Variants in PDZD9 observed in about 807,000 individuals in gnomAD.
PDZD9 encodes PDZ domain containing 9.
A neutral mutation model predicts 16.3 loss-of-function variants in PDZD9; 13 were observed. The observed-to-expected ratio is 0.80, with a 90% CI of 0.52 to 1.27. The LOEUF (loss-of-function observed/expected upper bound fraction) is 1.27. PDZD9 is among the 50% of genes most tolerant of loss of function. The pLI is 0.00. For missense variants in PDZD9, 288 were observed against 310.9 expected (o/e 0.93, Z 0.55); for synonymous variants, 120 against 111.0 (o/e 1.08, Z -0.51).
chr16:21,970,174 A>T, the PDZD9 span, among the ~76,000 whole-genome samples: 1 of 152,178 alleles, frequency 6.6e-6, no homozygotes, highest in Non-Finnish European at 1.5e-5. Context: ...ATGGCTCAAG[A>T]ATACTCCATT....
the PDZD9 span, among the ~76,000 whole-genome samples, chr16:21,967,923 G>A: frequency 1.3e-5 from 2 of 151,324 alleles, no homozygotes; most frequent in African/African-American, 2.4e-5. Flanking sequence ...GACATACTAC[G>A]TAAGCTACAT....
chr16:21,999,124 C>T (rs527843910), intron 1 of PDZD9: 3 of 153,966 alleles, frequency 1.9e-5, no homozygotes, highest in African/African-American at 4.8e-5. Flanking sequence ...ATGAAAACCA[C>T]GACAAGGAAA....
the PDZD9 span, among the ~76,000 whole-genome samples, chr16:21,961,764 G>A: frequency 4.7e-5 from 7 of 149,768 alleles, no homozygotes. Context: ...CGATTCTCCT[G>A]CCTCAGCCTC....
At chr16:21,986,707 C>T (rs942103541) in intron 3 of PDZD9, among the ~76,000 whole-genome samples, 2 of 152,106 alleles carry the variant, frequency 1.3e-5, no homozygotes, top group Admixed American at 6.5e-5. Context: ...CACATTCTCC[C>T]AGGGAAACAC....
At chr16:21,974,993 C>T in the PDZD9 span, among the ~76,000 whole-genome samples, 6 of 152,276 alleles carry the variant, frequency 3.9e-5, no homozygotes, top group South Asian at 2.1e-4. Flanking sequence ...AGTGGGTATT[C>T]GCTGTAGTGT....
intron 1 of PDZD9, among the ~76,000 whole-genome samples, chr16:21,999,951 C>A (rs1473827797): frequency 6.6e-6 from 1 of 152,142 alleles, no homozygotes; most frequent in Non-Finnish European, 1.5e-5. Context: ...GGGCAAGAAT[C>A]GCTTGAACCC....
At chr16:21,992,370 G>A (rs1271542286) in intron 2 of PDZD9, among the ~76,000 whole-genome samples, 1 of 152,178 alleles carries the variant, frequency 6.6e-6, no homozygotes, top group Admixed American at 6.5e-5. Flanking sequence ...CTTTAGGTGT[G>A]ACGGTTAATA....
chr16:21,963,232 A>T, the PDZD9 span: 730 of 169,676 alleles, frequency 4.3e-3, 35 homozygotes, highest in South Asian at 0.084. Context: ...CCTGGCCTCA[A>T]GTGATCCACC....
At chr16:21,975,526 A>G in the PDZD9 span, among the ~76,000 whole-genome samples, 50 of 152,194 alleles carry the variant, frequency 3.3e-4, no homozygotes, top group Admixed American at 6.5e-5. Flanking sequence ...GGAGAAAATC[A>G]TGGTCAGATT....
chr16:21,982,759 G>A (rs999764741), downstream of PDZD9, among the ~76,000 whole-genome samples: 2 of 152,162 alleles, frequency 1.3e-5, no homozygotes, highest in Non-Finnish European at 2.9e-5. Flanking sequence ...GAGGCTAGGA[G>A]TTTGAGACCA....
the PDZD9 span, chr16:21,968,746 T>C: frequency 6.8e-7 from 1 of 1,470,068 alleles, no homozygotes; most frequent in Non-Finnish European, 9.2e-7. Context: ...CCTTAAACTG[T>C]AATTACGTGA....
chr16:21,983,335 A>G (rs1434032654), downstream of PDZD9: 4 of 581,974 alleles, frequency 6.9e-6, no homozygotes, highest in Non-Finnish European at 1.2e-5. Flanking sequence ...AGTCAATAAA[A>G]CATTCTGTTT....
At chr16:21,984,921 C>T (rs973403530) in intron 3 of PDZD9, among the ~76,000 whole-genome samples, 1 of 152,168 alleles carries the variant, frequency 6.6e-6, no homozygotes, top group Non-Finnish European at 1.5e-5. Flanking sequence ...AGACTACTGA[C>T]CAGAATATTA....
the PDZD9 span, among the ~76,000 whole-genome samples, chr16:21,977,563 C>T: frequency 6.6e-6 from 1 of 152,102 alleles, no homozygotes; most frequent in Non-Finnish European, 1.5e-5. Context: ...CCCCACTGTC[C>T]AGATTGAAAG....
the PDZD9 span, chr16:21,965,373 G>T: frequency 6.3e-7 from 1 of 1,592,420 alleles, no homozygotes. Flanking sequence ...TACTGAAAGT[G>T]CATTTCCCTA....
intron 3 of PDZD9, among the ~76,000 whole-genome samples, chr16:21,986,460 T>C (rs1397517714): frequency 6.6e-6 from 1 of 152,174 alleles, no homozygotes; most frequent in Non-Finnish European, 1.5e-5. Context: ...TGTTATGTAA[T>C]CACATGAGCC....
intron 1 of PDZD9, among the ~76,000 whole-genome samples, chr16:21,999,811 C>T (rs1226868386): frequency 2.0e-5 from 3 of 152,022 alleles, no homozygotes; most frequent in African/African-American, 7.2e-5. Flanking sequence ...CGAGGGTGGG[C>T]GGATCACTTG....
chr16:21,968,145 G>T, the PDZD9 span, among the ~76,000 whole-genome samples: 1 of 151,836 alleles, frequency 6.6e-6, no homozygotes, highest in East Asian at 1.9e-4. Flanking sequence ...GGGATTACAG[G>T]CGTGCACCAC....
At chr16:21,992,414 A>G (rs1899045655) in intron 2 of PDZD9, among the ~76,000 whole-genome samples, 1 of 152,144 alleles carries the variant, frequency 6.6e-6, no homozygotes, top group African/African-American at 2.4e-5. Flanking sequence ...GATGCAAAGT[A>G]TTGTTTCTGG....
Sources: gnomAD v4.1 joint callset for allele counts (sites outside exome capture counted in the v4.1 genomes callset) on GRCh38, gnomAD v4.1.1 for gene constraint, MANE v1.5 for transcripts, NCBI Gene and HGNC (gene_info 2026-07-23, HGNC 2026-07-21) for gene names.